Variants in CCDC68 observed in about 807,000 individuals in gnomAD.
CCDC68 encodes coiled-coil domain containing 68.
CCDC68 carries 45 observed loss-of-function variants against 47.1 expected under a neutral mutation model. That is an observed-to-expected ratio of 0.96 (90% CI 0.75 to 1.23). The LOEUF (loss-of-function observed/expected upper bound fraction) is 1.23. Among genes scored for constraint, CCDC68 ranks in the 50% most tolerant of loss-of-function variants. The pLI, the probability that CCDC68 is intolerant of heterozygous loss-of-function variation, is 0.00. For missense variants in CCDC68, 353 were observed against 373.6 expected (o/e 0.94, Z 0.45); for synonymous variants, 131 against 129.5 (o/e 1.01, Z -0.08).
intron 9 of CCDC68, 141 bp downstream of exon 9, chr18:54,919,130 C>A (rs2044007697): frequency 3.1e-6 from 2 of 651,450 alleles, no homozygotes; most frequent in Admixed American, 2.4e-5. Flanking sequence ...AAAACAGAGA[C>A]ATATTGCATG....
chr18:54,951,294 T>C (rs766383543), intron 1 of CCDC68, among the ~76,000 whole-genome samples: 1 of 152,172 alleles, frequency 6.6e-6, no homozygotes, highest in East Asian at 1.9e-4. Context: ...CTTCAGCCAA[T>C]GTTCAGTTCA....
At chr18:54,946,233 C>A (rs771761873) in intron 1 of CCDC68, among the ~76,000 whole-genome samples, 2 of 152,160 alleles carry the variant, frequency 1.3e-5, no homozygotes, top group Admixed American at 6.5e-5. Context: ...TCTTTTATGT[C>A]GCTTTGGCGC....
Position 54,911,297 on chromosome 18 carries a change from C to T in CCDC68, c.874-3435G>A, listed in dbSNP as rs563959531. Among the ~76,000 whole-genome samples the T allele has an allele frequency of 4.6e-5, 7 of 152,190 alleles. No individual in the cohort carries two copies. The East Asian group carries it at 1.4e-3, about 29-fold the overall frequency. ...ACTCCTGGCCCTCCAGTGACCCGCC[C>T]GCCTCAGCCTCCCAAAGTGCTAACA... On this transcript the variant is annotated intron_variant, in intron 10 of 11. Coordinates refer to ENST00000591504, the MANE Select transcript of CCDC68 (RefSeq NM_025214.3).
At chr18:54,956,058 T>C (rs1340620883) in intron 1 of CCDC68, among the ~76,000 whole-genome samples, 1 of 149,966 alleles carries the variant, frequency 6.7e-6, no homozygotes, top group South Asian at 2.1e-4. Context: ...GGTGCAATCT[T>C]GGCTCACTGC....
At chr18:54,936,380 G>A (rs750278578) in intron 6 of CCDC68, among the ~76,000 whole-genome samples, 4 of 149,614 alleles carry the variant, frequency 2.7e-5, no homozygotes, top group South Asian at 2.1e-4. Flanking sequence ...TTTTAAATCC[G>A]AAGTATCTAT....
intron 8 of CCDC68, among the ~76,000 whole-genome samples, chr18:54,924,207 T>C (rs1195000515): frequency 6.6e-6 from 1 of 152,182 alleles, no homozygotes; most frequent in Non-Finnish European, 1.5e-5. Flanking sequence ...TTGAAAAGCT[T>C]TGGCTTCTAA....
At chr18:54,938,452 C>T (rs905216536) in intron 4 of CCDC68, among the ~76,000 whole-genome samples, 4 of 152,300 alleles carry the variant, frequency 2.6e-5, no homozygotes, top group African/African-American at 9.6e-5. Context: ...GGTCACATTG[C>T]ATTATAGACT....
At chr18:54,952,275 C>T (rs1204859568) in intron 1 of CCDC68, among the ~76,000 whole-genome samples, 2 of 152,192 alleles carry the variant, frequency 1.3e-5, no homozygotes, top group African/African-American at 4.8e-5. Context: ...TCACTTGCAA[C>T]ATTTACATGA....
chr18:54,932,622 T>C (rs528060483), intron 7 of CCDC68, among the ~76,000 whole-genome samples: 55 of 152,358 alleles, frequency 3.6e-4, no homozygotes, highest in African/African-American at 1.1e-3. Flanking sequence ...GGTTGCTGCA[T>C]GGCCTTACTA....
intron 8 of CCDC68, among the ~76,000 whole-genome samples, chr18:54,919,936 A>G (rs1391964844): frequency 2.6e-5 from 4 of 151,686 alleles, no homozygotes; most frequent in Non-Finnish European, 5.9e-5. Context: ...AAACGGGGGG[A>G]AAAAAGGAGA....
At chr18:54,924,292 A>G (rs1478108952) in intron 8 of CCDC68, among the ~76,000 whole-genome samples, 1 of 152,172 alleles carries the variant, frequency 6.6e-6, no homozygotes, top group Non-Finnish European at 1.5e-5. Flanking sequence ...TGTATATGAA[A>G]AAAAAAACAC....
Position 54,956,696 on chromosome 18 carries a change from G to A in CCDC68, c.-103+2640C>T, listed in dbSNP as rs966064890. 2.0e-5 allele frequency among the ~76,000 whole-genome samples: 3 copies of A among 152,152 alleles called. No homozygotes were observed. In the South Asian group the frequency reaches 6.2e-4, roughly 32 times the overall value. On this transcript the variant is annotated intron_variant, in intron 1 of 11. Transcript: ENST00000591504. The stretch of plus-strand genomic sequence containing the variant: ...TTGTACGATTCCATCTGTATGAAAT[G>A]TCCAGAAAAGGCAGATCTAAACAGA...
At chr18:54,914,313 A>G (rs2043907651) in intron 10 of CCDC68, among the ~76,000 whole-genome samples, 1 of 152,180 alleles carries the variant, frequency 6.6e-6, no homozygotes. Context: ...TTTTTATACA[A>G]GTGTTAGAAA....
At chr18:54,941,181 T>G in intron 3 of CCDC68, 98 bp from the exon 4 acceptor site, 1 of 732,966 alleles carries the variant, frequency 1.4e-6, no homozygotes, top group East Asian at 2.7e-5. Flanking sequence ...ATCTAGAAAG[T>G]AATACATATA....
intron 4 of CCDC68, among the ~76,000 whole-genome samples, chr18:54,940,785 T>C (rs2044423562): frequency 6.6e-6 from 1 of 152,248 alleles, no homozygotes; most frequent in South Asian, 2.1e-4. Context: ...GTAAGCCTTG[T>C]TTAATATATT....
Position 54,942,657 on chromosome 18 carries a change from T to C in CCDC68, c.117+18A>G. 7.1e-7 allele frequency: 1 copy of C among 1,404,610 alleles called. No homozygotes were observed. The highest frequency in any genetic ancestry group is 1.0e-6 in the Non-Finnish European group (1 of 1,004,082). 87.0% of individuals were successfully genotyped at this position (1,404,610 alleles called of 1,614,324 possible). Reference sequence around the variant, plus strand: ...TTAAAAAATCATATCATACTAATGATTTCTGCTACCCACATACCTTTTTCA... The same window carrying C: ...TTAAAAAATCATATCATACTAATGACTTCTGCTACCCACATACCTTTTTCA... On this transcript the variant is annotated intron_variant, in intron 3 of 11. Coordinates refer to ENST00000591504, the MANE Select transcript of CCDC68 (RefSeq NM_025214.3).
At chr18:54,933,634 T>C (rs767401421) in intron 7 of CCDC68, among the ~76,000 whole-genome samples, 4 of 152,214 alleles carry the variant, frequency 2.6e-5, no homozygotes, top group Non-Finnish European at 5.9e-5. Flanking sequence ...TACAACCAAA[T>C]ATTACAGTTT....
chr18:54,910,882 G>A (rs1311312142), intron 10 of CCDC68, among the ~76,000 whole-genome samples: 3 of 152,260 alleles, frequency 2.0e-5, no homozygotes, highest in Non-Finnish European at 4.4e-5. Flanking sequence ...GAGAAGCCAG[G>A]CAGTGGGAGC....
intron 1 of CCDC68, among the ~76,000 whole-genome samples, chr18:54,956,358 C>T (rs1007846360): frequency 2.0e-5 from 3 of 152,186 alleles, no homozygotes; most frequent in Admixed American, 2.0e-4. Context: ...TAATAGGAAC[C>T]TGGATGTTTA....
Sources: gnomAD v4.1 joint callset for allele counts (sites outside exome capture counted in the v4.1 genomes callset) on GRCh38, gnomAD v4.1.1 for gene constraint, MANE v1.5 for transcripts, NCBI Gene and HGNC (gene_info 2026-07-23, HGNC 2026-07-21) for gene names.